The following RBM20 variants were observed in gnomAD, a reference collection of about 807,000 sequenced individuals.
RBM20 encodes RNA-binding protein 20.
Under a neutral mutation model 110.1 loss-of-function variants are expected in RBM20, and 51 were observed. The ratio of observed to expected loss-of-function variants is 0.46; its 90% CI spans 0.37 to 0.59. The LOEUF (loss-of-function observed/expected upper bound fraction) is 0.59. Ranked by LOEUF, RBM20 falls within the 20% of genes least tolerant of loss-of-function variation. The probability of loss-of-function intolerance (pLI) is 0.00; values close to 1 mark genes in which losing one functional copy is unlikely to be tolerated. For synonymous variants in RBM20, 589 were observed against 618.2 expected (o/e 0.95, Z 0.70); for missense variants, 1,512 against 1,574.9 (o/e 0.96, Z 0.68).
At chr10:110,790,864 A>C (rs956667648) in intron 5 of RBM20, among the ~76,000 whole-genome samples, 3 of 152,194 alleles carry the variant, frequency 2.0e-5, no homozygotes, top group African/African-American at 7.2e-5. Context: ...TTAATTGGCC[A>C]CAGATTAAGA....
intron 1 of RBM20, among the ~76,000 whole-genome samples, chr10:110,771,372 G>A (rs1052742619): frequency 2.6e-5 from 4 of 152,090 alleles, no homozygotes; most frequent in East Asian, 1.9e-4. Context: ...TAAGTGATCC[G>A]CCTGCCTCAC....
rs192219101 is a variant in RBM20 at position 110,681,940 on chromosome 10, A to G, written c.191+37295A>G. Among the ~76,000 whole-genome samples the G allele has an allele frequency of 1.2e-3, 182 of 151,492 alleles. 2 individuals carry two copies. The South Asian group carries it at 0.017, about 14-fold the overall frequency. ...GTTTCGCTCTTGTTGCTCAGGTTGC[A>G]GTGCAATGGCATGATCTTGGCTCAC... On this transcript the variant is annotated intron_variant, in intron 1 of 13. Coordinates refer to ENST00000369519, the MANE Select transcript of RBM20 (RefSeq NM_001134363.3).
intron 13 of RBM20, chr10:110,835,537 A>G (rs1407280116): frequency 6.2e-6 from 1 of 160,718 alleles, no homozygotes; most frequent in Non-Finnish European, 1.4e-5. Context: ...GGGTTTCTCC[A>G]TGTTGGTCAG....
chr10:110,821,642 G>A lies in RBM20; in HGVS notation c.3023G>A (p.Arg1008Gln), dbSNP rs886038858. Residue 1008 changes from arginine to glutamine, a missense_variant, in exon 11 of 14, where the codon CGG becomes CAG. By Grantham distance (43) the Arg-to-Gln change is conservative. This residue lies in a region of RBM20 where 358 missense variants were observed against 384.2 expected (regional missense o/e 0.93). Coordinates refer to ENST00000369519, the MANE Select transcript of RBM20 (RefSeq NM_001134363.3). ...CCTGGCCTAAATCTGGATGCTGAGC[G>A]GAAGCCAGCTGAAAGTGAGACAGGC... ...EMPGLNLDAE[R>Q]KPAESETGLS... 90 of 1,551,670 alleles carry A rather than the reference G, an allele frequency of 5.8e-5. No homozygotes were observed. The highest frequency in any genetic ancestry group is 3.3e-4 in the Middle Eastern group (2 of 6,016).
At chr10:110,767,279 T>G (rs1315019771) in intron 1 of RBM20, among the ~76,000 whole-genome samples, 12 of 90,758 alleles carry the variant, frequency 1.3e-4, no homozygotes, top group East Asian at 8.1e-4. Flanking sequence ...CACTTCCCAG[T>G]AGGGGCGGCC....
rs1393804220 is a variant in RBM20, at chr10:110,812,573, C to G, written c.2176C>G (p.Arg726Gly). The change falls in exon 9 of 14, where the codon CGA becomes GGA. Residue 726 changes from arginine (R) to glycine (G), a missense_variant. Arg to Gly is a moderately radical substitution (Grantham distance 125). Coordinates refer to ENST00000369519, the MANE Select transcript of RBM20 (RefSeq NM_001134363.3). ...RQLDKAELDE[R>G]PEGGRPHREK... ...ACTGGACAAGGCTGAGTTGGACGAGCGACCAGAAGGAGGGAGGCCCCACCG... is the reference window on the plus strand; with the variant it reads ...ACTGGACAAGGCTGAGTTGGACGAGGGACCAGAAGGAGGGAGGCCCCACCG... The G allele has an allele frequency of 6.4e-7, 1 of 1,551,686 alleles. No homozygotes were observed. Among genetic ancestry groups the G allele is most frequent in the Non-Finnish European group, 8.7e-7 (1 of 1,146,986 alleles).
chr10:110,709,805 A>G (rs1172438422), intron 1 of RBM20, among the ~76,000 whole-genome samples: 1 of 151,990 alleles, frequency 6.6e-6, no homozygotes, highest in Non-Finnish European at 1.5e-5. Flanking sequence ...TCCTGGACTC[A>G]AGCAATTCTC....
Position 110,644,780 on chromosome 10 carries a change from T to C in RBM20, c.191+135T>C. 1.6e-6 allele frequency: 1 copy of C among 633,986 alleles called. No homozygotes were observed. Among genetic ancestry groups the C allele is most frequent in the Non-Finnish European group, 2.5e-6 (1 of 393,706 alleles). The allele number at this position is 633,986 out of a possible 1,614,324, so 39.3% of individuals were successfully genotyped here. Reference sequence around the variant, plus strand: ...GGGTTTGAAGTTTTCTCGTACCCCCTCTGGGCAGAGTCGGTGTCCTTCTGG... The same window carrying C: ...GGGTTTGAAGTTTTCTCGTACCCCCCCTGGGCAGAGTCGGTGTCCTTCTGG... On this transcript the variant is annotated intron_variant, in intron 1 of 13. Transcript: ENST00000369519. This position sits in a 1 kb window ranked among gnomAD's most constrained non-coding sequence, Gnocchi z 4.3.
intron 1 of RBM20, among the ~76,000 whole-genome samples, chr10:110,653,958 A>G (rs1861985982): frequency 6.6e-6 from 1 of 152,182 alleles, no homozygotes; most frequent in Non-Finnish European, 1.5e-5. Context: ...TATGGCTGTG[A>G]CTGTTGTTTC....
At chr10:110,712,499 G>T (rs758472543) in intron 1 of RBM20, among the ~76,000 whole-genome samples, 7 of 152,186 alleles carry the variant, frequency 4.6e-5, no homozygotes, top group Non-Finnish European at 8.8e-5. Context: ...GGGTGCGGTG[G>T]CTCACCCCTG....
intron 5 of RBM20, among the ~76,000 whole-genome samples, chr10:110,795,961 T>G (rs1361700105): frequency 6.6e-6 from 1 of 152,212 alleles, no homozygotes; most frequent in Non-Finnish European, 1.5e-5. Context: ...GAATAGCTCC[T>G]CTTTTATTTG....
chr10:110,705,441 C>T (rs1454502086), intron 1 of RBM20, among the ~76,000 whole-genome samples: 1 of 152,088 alleles, frequency 6.6e-6, no homozygotes, highest in Non-Finnish European at 1.5e-5. Flanking sequence ...ACTGTTTATA[C>T]CAAATCTGTT....
Position 110,644,344 on chromosome 10 carries a change from G to C in RBM20, c.-111G>C. ...CCTCGCGTCTCCTCCCCGCGCCACC[G>C]GGAAGGACAAGGGGACTGGGCACGG... On this transcript the variant is annotated 5_prime_UTR_variant, in exon 1 of 14. Coordinates refer to ENST00000369519, the MANE Select transcript of RBM20 (RefSeq NM_001134363.3). This position sits in a 1 kb window ranked among gnomAD's most constrained non-coding sequence, Gnocchi z 4.3. 1 of 829,582 alleles carries C rather than the reference G, an allele frequency of 1.2e-6. No homozygotes were observed. Among genetic ancestry groups the C allele is most frequent in the Non-Finnish European group, 1.7e-6 (1 of 598,132 alleles). 51.4% of individuals were successfully genotyped at this position (829,582 alleles called of 1,614,324 possible).
chr10:110,755,250 AAG>A (rs566635286), intron 1 of RBM20, among the ~76,000 whole-genome samples: 246 of 152,218 alleles, frequency 1.6e-3, no homozygotes, highest in Non-Finnish European at 1.9e-3. Flanking sequence ...TGTCTCCTGT[AAG>A]AGTCTACATC....
At chr10:110,794,858 T>G (rs1006823661) in intron 5 of RBM20, among the ~76,000 whole-genome samples, 2 of 152,240 alleles carry the variant, frequency 1.3e-5, no homozygotes, top group Non-Finnish European at 2.9e-5. Flanking sequence ...GCTGCGAGGT[T>G]GTTTTTTCTA....
intron 1 of RBM20, among the ~76,000 whole-genome samples, chr10:110,731,251 C>T (rs1843618174): frequency 6.6e-6 from 1 of 152,126 alleles, no homozygotes; most frequent in South Asian, 2.1e-4. Context: ...TCCATGTCTG[C>T]CCACAAATTC....
rs1844378524 is a variant in RBM20, at chr10:110,783,361, C to T, written c.1276-5C>T. ...TTTGGTCACTTTTCTTTCCTTCTGACCTAGGACTGGGAGCTGCATGTGAAA... is the reference window on the plus strand; with the variant it reads ...TTTGGTCACTTTTCTTTCCTTCTGATCTAGGACTGGGAGCTGCATGTGAAA... On this transcript the variant is annotated splice_polypyrimidine_tract_variant and splice_region_variant and intron_variant, in intron 2 of 13. Transcript: ENST00000369519. 1 of 1,550,256 alleles carries T rather than the reference C, an allele frequency of 6.5e-7. No homozygotes were observed. Among genetic ancestry groups the T allele is most frequent in the Non-Finnish European group, 8.7e-7 (1 of 1,146,014 alleles).
At chr10:110,830,400 T>A (rs1431906285) in intron 12 of RBM20, among the ~76,000 whole-genome samples, 1 of 152,164 alleles carries the variant, frequency 6.6e-6, no homozygotes, top group Non-Finnish European at 1.5e-5. Context: ...TAATTGATGG[T>A]TCGGATGTAA....
chr10:110,778,419 G>T (rs1844294895), intron 1 of RBM20, among the ~76,000 whole-genome samples: 1 of 152,220 alleles, frequency 6.6e-6, no homozygotes, highest in Non-Finnish European at 1.5e-5. Context: ...CAACAAGACA[G>T]TGTGGCAACC....
Sources: gnomAD v4.1 joint callset for allele counts (sites outside exome capture counted in the v4.1 genomes callset) on GRCh38, gnomAD v4.1.1 for gene constraint, gnomAD v4.1.1 regional missense constraint, Gnocchi (gnomAD v3.1) non-coding constraint, MANE v1.5 for transcripts, NCBI Gene and HGNC (gene_info 2026-07-23, HGNC 2026-07-21) for gene names.